RASA1: variants seen among roughly 807,000 people sequenced by gnomAD.
RASA1 encodes RAS p21 protein activator 1.
Under a neutral mutation model 132.2 loss-of-function variants are expected in RASA1, and 25 were observed. The observed-to-expected ratio is 0.19, with a 90% CI of 0.14 to 0.26. The LOEUF (loss-of-function observed/expected upper bound fraction) is 0.26. RASA1 is among the 10% of genes least tolerant of loss of function. The pLI, the probability that RASA1 is intolerant of heterozygous loss-of-function variation, is 1.00. For missense variants in RASA1, 964 were observed against 1,299.2 expected, an observed-to-expected ratio of 0.74 and a Z score of 3.97; for synonymous variants, 477 against 449.9, an observed-to-expected ratio of 1.06 and a Z score of -0.76.
chr5:87,351,903 AT>A (rs1580331795), intron 8 of RASA1, among the ~76,000 whole-genome samples: 2 of 151,754 alleles, frequency 1.3e-5, no homozygotes, highest in African/African-American at 2.4e-5. Context: ...CAGTGGATTG[AT>A]TGTATTTTAC....
intron 1 of RASA1, among the ~76,000 whole-genome samples, chr5:87,287,261 CATATACACCGTAT>C (rs761947192): frequency 2.7e-4 from 39 of 142,698 alleles, no homozygotes; most frequent in Non-Finnish European, 5.3e-4. Context: ...ATATACACAC[CATATACACCGTAT>C]ATATACACAC....
chr5:87,325,966 C>T (rs751972930), intron 1 of RASA1, among the ~76,000 whole-genome samples: 13 of 152,168 alleles, frequency 8.5e-5, no homozygotes, highest in Non-Finnish European at 1.5e-4. Context: ...GCAGCAGCCC[C>T]CCACCCCCTT....
intron 1 of RASA1, among the ~76,000 whole-genome samples, chr5:87,282,246 T>TTTTA (rs1754350891): frequency 6.6e-6 from 1 of 152,202 alleles, no homozygotes; most frequent in Non-Finnish European, 1.5e-5. Context: ...TCTTTAAAGG[T>TTTTA]ATGTCTGCTA....
At chr5:87,359,671 A>T (rs1000779681) in intron 9 of RASA1, among the ~76,000 whole-genome samples, 12 of 152,208 alleles carry the variant, frequency 7.9e-5, no homozygotes, top group African/African-American at 2.7e-4. Flanking sequence ...AATCTGTATT[A>T]CCAGGAAAGT....
At chr5:87,271,449 CTTCTT>C (rs1753829699) in intron 1 of RASA1, among the ~76,000 whole-genome samples, 1 of 67,498 alleles carries the variant, frequency 1.5e-5, no homozygotes, top group African/African-American at 6.5e-5. Context: ...TTTTAGTAGA[CTTCTT>C]TTTTTTTTTT....
intron 5 of RASA1, among the ~76,000 whole-genome samples, chr5:87,341,086 A>G (rs991578046): frequency 1.3e-5 from 2 of 152,100 alleles, no homozygotes; most frequent in Non-Finnish European, 2.9e-5. Flanking sequence ...AAAGTCGATA[A>G]GAGGGCCTGA....
At chr5:87,378,690 T>C in intron 18 of RASA1, 152 bp downstream of exon 18, 1 of 851,902 alleles carries the variant, frequency 1.2e-6, no homozygotes, top group South Asian at 1.8e-5. Flanking sequence ...TTTATAAAAA[T>C]GTTCTGCAAA....
chr5:87,317,580 T>A (rs1224215728), intron 1 of RASA1, among the ~76,000 whole-genome samples: 1 of 152,184 alleles, frequency 6.6e-6, no homozygotes, highest in Admixed American at 6.6e-5. Flanking sequence ...TTGTCTCTTC[T>A]GTTTTTAAGG....
intron 9 of RASA1, among the ~76,000 whole-genome samples, chr5:87,356,415 G>A (rs1759655224): frequency 6.6e-6 from 1 of 151,602 alleles, no homozygotes; most frequent in African/African-American, 2.4e-5. Flanking sequence ...CCGGAGTCAG[G>A]GTCTTGCGCT....
At chr5:87,321,606 A>C (rs948154828) in intron 1 of RASA1, among the ~76,000 whole-genome samples, 3 of 152,270 alleles carry the variant, frequency 2.0e-5, no homozygotes, top group Admixed American at 1.3e-4. Flanking sequence ...GATACAAGTA[A>C]ACAGCCATAT....
chr5:87,284,998 A>G (rs1754481000), intron 1 of RASA1, among the ~76,000 whole-genome samples: 1 of 151,948 alleles, frequency 6.6e-6, no homozygotes, highest in African/African-American at 2.4e-5. Flanking sequence ...GTCAGAAATC[A>G]TACAACTTTT....
At chr5:87,336,544 C>A (rs981759223) in intron 4 of RASA1, among the ~76,000 whole-genome samples, 1 of 151,926 alleles carries the variant, frequency 6.6e-6, no homozygotes, top group Non-Finnish European at 1.5e-5. Context: ...GGGGGGATAA[C>A]ACAAAATAAT....
Position 87,332,628 on chromosome 5 carries a change from G to A in RASA1, c.814G>A (p.Val272Ile). The A allele has an allele frequency of 6.2e-7, 1 of 1,610,502 alleles. No homozygotes were observed. The highest frequency in any genetic ancestry group is 8.5e-7 in the Non-Finnish European group (1 of 1,177,388). ...TAAAGGAGAAAAATTACTTTACCCA[G>A]TTGCACCACCAGAGGCAAGTAAAAT... The part of the protein sequence containing the change: ...LLKGEKLLYP[V>I]APPEPVEDRR... The change falls in exon 3 of 25, where the codon GTT (valine) becomes ATT (isoleucine). Residue 272 changes from valine (V) to isoleucine (I), a missense_variant. This residue lies in a region of RASA1 where 154 missense variants were observed against 286.5 expected (regional missense o/e 0.54). Transcript: ENST00000274376.
At chr5:87,352,748 T>C (rs1263813540) in intron 8 of RASA1, among the ~76,000 whole-genome samples, 2 of 151,894 alleles carry the variant, frequency 1.3e-5, no homozygotes, top group Non-Finnish European at 2.9e-5. Context: ...ATAAAAATTC[T>C]TAATTTACCT....
At position 87,268,234 on chromosome 5, in the gene RASA1, T is replaced by G; in HGVS notation, c.-218T>G. ...GTGGCGTTTGTGCAGGCGTTGGGTT[T>G]TTTGCCCACTTGGCTTCCCGTAACC... On this transcript the variant is annotated 5_prime_UTR_variant, in exon 1 of 25. Coordinates refer to ENST00000274376, the MANE Select transcript of RASA1 (RefSeq NM_002890.3). The G allele has an allele frequency of 3.1e-6, 2 of 645,882 alleles. No individual in the cohort carries two copies. The highest frequency in any genetic ancestry group is 5.7e-5 in the East Asian group (2 of 35,196). 40.0% of individuals were successfully genotyped at this position (645,882 alleles called of 1,614,324 possible). A position where few individuals can be genotyped will look rare whatever the true frequency, so the allele number is the denominator to read the frequency against.
In RASA1 at chr5:87,374,956, G is replaced by A. The variant is rs373888930; in HGVS notation, c.2011+40G>A. On this transcript the variant is annotated intron_variant, in intron 15 of 24. Coordinates refer to ENST00000274376, the MANE Select transcript of RASA1 (RefSeq NM_002890.3). ...AAACTTTCTAAAATAGAAAAAGCATGTTTTATATACTTTCAAAATTCACAA... is the reference window on the plus strand; with the variant it reads ...AAACTTTCTAAAATAGAAAAAGCATATTTTATATACTTTCAAAATTCACAA... 65 of 1,578,708 alleles carry A rather than the reference G, an allele frequency of 4.1e-5. No individual in the cohort carries two copies. In the African/African-American group the frequency reaches 8.4e-4, roughly 20 times the overall value.
At chr5:87,299,645 GTT>G (rs36026598) in intron 1 of RASA1, 4 of 130,376 alleles carry the variant, frequency 3.1e-5, no homozygotes, top group African/African-American at 1.1e-4. Context: ...ATAGTTAACC[GTT>G]TGTGTGTGTG....
intron 1 of RASA1, among the ~76,000 whole-genome samples, chr5:87,300,168 G>C (rs573677840): frequency 1.3e-5 from 2 of 152,228 alleles, no homozygotes; most frequent in East Asian, 1.9e-4. Context: ...CCGGGAGTTA[G>C]AGACCAAACC....
At position 87,358,219 on chromosome 5, in the gene RASA1, A is replaced by G. The variant is rs147201012; in HGVS notation, c.1333-4332A>G. On this transcript the variant is annotated intron_variant, in intron 9 of 24. Coordinates refer to ENST00000274376, the MANE Select transcript of RASA1 (RefSeq NM_002890.3). ...TTGCTTACTTCCTGGAACTGTTAAC[A>G]CTTTTTGAGGCAAGCATTAGACAAA... Among the ~76,000 whole-genome samples the G allele has an allele frequency of 5.4e-3, 820 of 152,270 alleles. 10 individuals are homozygous for G. Among genetic ancestry groups the G allele is most frequent in the South Asian group, 0.034 (163 of 4,818 alleles).
Sources: gnomAD v4.1 joint callset for allele counts (sites outside exome capture counted in the v4.1 genomes callset) on GRCh38, gnomAD v4.1.1 for gene constraint, gnomAD v4.1.1 regional missense constraint, MANE v1.5 for transcripts, NCBI Gene and HGNC (gene_info 2026-07-23, HGNC 2026-07-21) for gene names.